Variants in CDH3 observed in about 807,000 individuals in gnomAD.
The protein encoded by CDH3 is cadherin 3, also known as cadherin-3.
In CDH3, 54 loss-of-function variants were observed where a neutral mutation model predicts 82.0. That is an observed-to-expected ratio of 0.66 (90% CI 0.53 to 0.83). CDH3 has a LOEUF of 0.83. CDH3 is among the 40% of genes least tolerant of loss of function. CDH3 has a pLI of 0.00. For missense variants in CDH3, 1,054 were observed against 1,084.6 expected, an observed-to-expected ratio of 0.97 and a Z score of 0.40; for synonymous variants, 446 against 437.9, an observed-to-expected ratio of 1.02 and a Z score of -0.23.
chr16:68,693,649 A>G (rs1045548139), intron 13 of CDH3, among the ~76,000 whole-genome samples: 1 of 152,082 alleles, frequency 6.6e-6, no homozygotes, highest in Non-Finnish European at 1.5e-5. Flanking sequence ...AGGAGAGGTT[A>G]CTGTCTAGCC....
intron 2 of CDH3, among the ~76,000 whole-genome samples, chr16:68,664,959 T>TTCCTA (rs1362374072): frequency 3.3e-5 from 5 of 152,114 alleles, no homozygotes; most frequent in African/African-American, 1.2e-4. Context: ...TGCATGGCAT[T>TTCCTA]TGGGATTTAA....
At chr16:68,683,219 G>A (rs933034682) in intron 9 of CDH3, among the ~76,000 whole-genome samples, 2 of 152,146 alleles carry the variant, frequency 1.3e-5, no homozygotes, top group African/African-American at 4.8e-5. Context: ...AAAGACTGGG[G>A]TTTGCTGTCC....
At chr16:68,655,132 C>T (rs1470769226) in intron 2 of CDH3, among the ~76,000 whole-genome samples, 1 of 152,160 alleles carries the variant, frequency 6.6e-6, no homozygotes, top group East Asian at 1.9e-4. Context: ...TTGCCTCACC[C>T]TCCCAAAGTG....
At chr16:68,721,264 C>T (rs1227317389) in intron 1 of CDH3, among the ~76,000 whole-genome samples, 1 of 132,702 alleles carries the variant, frequency 7.5e-6, no homozygotes, top group Non-Finnish European at 1.5e-5. Context: ...TGGAGTCTCG[C>T]TGTTGTCGGC....
rs778840523 is a variant in CDH3 at position 68,684,584 on chromosome 16, G to A, written c.1184G>A (p.Gly395Asp). ...SNQGILTTRK[G>D]LDFEAKNQHT... Reference sequence around the variant, plus strand: ...GTCCTTCTTCCTCTTCTCTCCTAGGGTTTGGATTTTGAGGCCAAAAACCAG... The same window carrying A: ...GTCCTTCTTCCTCTTCTCTCCTAGGATTTGGATTTTGAGGCCAAAAACCAG... The change falls in exon 10 of 16, where the codon GGT becomes GAT. Residue 395 changes from glycine (G) to aspartate (D), a missense_variant and splice_region_variant. Gly to Asp is a moderately conservative substitution (Grantham distance 94). Transcript: ENST00000264012. The A allele has an allele frequency of 1.9e-6, 3 of 1,614,124 alleles. No homozygotes were observed. Among genetic ancestry groups the A allele is most frequent in the Non-Finnish European group, 1.7e-6 (2 of 1,180,016 alleles).
chr16:68,665,911 GA>G (rs1447782284), intron 2 of CDH3, among the ~76,000 whole-genome samples: 1 of 152,080 alleles, frequency 6.6e-6, no homozygotes, highest in African/African-American at 2.4e-5. Context: ...CTAGTCGGGG[GA>G]AAAACTCACA....
rs149093853 is a variant in CDH3 at position 68,678,172 on chromosome 16, C to A, written c.285C>A (p.Ile95=). ...RSLKERNPLK[I]FPSKRILRRH... is the part of the protein sequence containing the mutation. ...TGAAGGAAAGGAATCCATTGAAGAT[C>A]TTCCCATCCAAACGTATCTTACGAA... Residue 95 remains isoleucine, a synonymous_variant, in exon 4 of 16, where the codon ATC becomes ATA. Coordinates refer to ENST00000264012, the MANE Select transcript of CDH3 (RefSeq NM_001793.6). The A allele has an allele frequency of 5.1e-5, 83 of 1,613,834 alleles. No homozygotes were observed. In the African/African-American group the frequency reaches 1.1e-3, roughly 21 times the overall value.
chr16:68,662,737 G>A (rs34053587), intron 2 of CDH3, among the ~76,000 whole-genome samples: 51,913 of 151,102 alleles, frequency 0.34, 9,884 homozygotes, highest in East Asian at 0.63. Context: ...TAGTAGAGAC[G>A]GAGTTTCACC....
chr16:68,700,388 C>T (rs1961873453), downstream of CDH3: 1 of 152,260 alleles, frequency 6.6e-6, no homozygotes, highest in Non-Finnish European at 1.5e-5. Context: ...TAGGCAGGGC[C>T]CTGCTGTGGG....
At chr16:68,690,037 T>C (rs1276807452) in intron 12 of CDH3, among the ~76,000 whole-genome samples, 1 of 152,178 alleles carries the variant, frequency 6.6e-6, no homozygotes, top group Non-Finnish European at 1.5e-5. Flanking sequence ...ACTGATATTA[T>C]GTTCGTCACC....
In CDH3 at chr16:68,687,630, G is replaced by A. The variant is rs1126933; in HGVS notation, c.1689G>A (p.Gln563=). 1.9e-6 allele frequency: 3 copies of A among 1,613,770 alleles called. No homozygotes were observed. The highest frequency in any genetic ancestry group is 2.5e-6 in the Non-Finnish European group (3 of 1,179,946). ...TCTGCAACCAAAGCCCTGTGCGCCA[G>A]GTGCTGAACATCACGGACAAGGACC... ...ITICNQSPVR[Q]VLNITDKDLS... The change falls in exon 12 of 16, where the codon CAG becomes CAA. Residue 563 remains glutamine (Q), a synonymous_variant. Transcript: ENST00000264012.
At chr16:68,666,274 A>G (rs1214052340) in intron 2 of CDH3, among the ~76,000 whole-genome samples, 1 of 152,040 alleles carries the variant, frequency 6.6e-6, no homozygotes, top group Non-Finnish European at 1.5e-5. Flanking sequence ...GATGGGTGCC[A>G]TCCGCCAGGT....
chr16:68,677,626 T>G (rs946680455), intron 3 of CDH3, among the ~76,000 whole-genome samples: 1 of 152,108 alleles, frequency 6.6e-6, no homozygotes, highest in African/African-American at 2.4e-5. Context: ...TAATCCCAGC[T>G]ACTCAGGAGG....
At chr16:68,684,337 A>G (rs1034858017) in intron 9 of CDH3, among the ~76,000 whole-genome samples, 1 of 151,566 alleles carries the variant, frequency 6.6e-6, no homozygotes, top group African/African-American at 2.4e-5. Context: ...CATCACCACC[A>G]CTCCACTGGG....
intron 2 of CDH3, among the ~76,000 whole-genome samples, chr16:68,668,012 T>G (rs770200699): frequency 1.3e-5 from 2 of 152,242 alleles, no homozygotes; most frequent in African/African-American, 4.8e-5. Context: ...TTTTAGGGAA[T>G]GTACATTTAG....
chr16:68,651,142 T>C (rs1006457903), intron 2 of CDH3: 6 of 458,956 alleles, frequency 1.3e-5, no homozygotes, highest in Non-Finnish European at 2.2e-5. Flanking sequence ...TGGGCAGTAG[T>C]TGGAATTGTA....
At chr16:68,691,414 T>G (rs1050965874) in intron 12 of CDH3, among the ~76,000 whole-genome samples, 8 of 152,236 alleles carry the variant, frequency 5.3e-5, no homozygotes, top group Non-Finnish European at 1.2e-4. Context: ...CAGCCAATGA[T>G]GCAAAGAAGT....
chr16:68,655,690 C>CA (rs1555504570), intron 2 of CDH3, among the ~76,000 whole-genome samples: 2 of 151,776 alleles, frequency 1.3e-5, no homozygotes, highest in African/African-American at 2.4e-5. Context: ...CTAACAACAA[C>CA]AACAAACAAA....
intron 5 of CDH3, 36 bp from the exon 6 acceptor site, chr16:68,678,726 G>A (rs1961111441): frequency 1.2e-6 from 2 of 1,614,004 alleles, no homozygotes; most frequent in Admixed American, 1.7e-5. Flanking sequence ...TGAGGTGGGT[G>A]GCACCGGGCT....
Sources: gnomAD v4.1 joint callset for allele counts (sites outside exome capture counted in the v4.1 genomes callset) on GRCh38, gnomAD v4.1.1 for gene constraint, MANE v1.5 for transcripts, NCBI Gene and HGNC (gene_info 2026-07-23, HGNC 2026-07-21) for gene names.